SLCO2A1: variants seen among roughly 807,000 people sequenced by gnomAD.
SLCO2A1 encodes matrin F/G 1.
SLCO2A1 carries 60 observed loss-of-function variants against 71.7 expected under a neutral mutation model. That is an observed-to-expected ratio of 0.84 (90% CI 0.68 to 1.04). The LOEUF is 1.04. SLCO2A1 is among the 50% of genes least tolerant of loss of function. SLCO2A1 has a pLI of 0.00. For missense variants in SLCO2A1, 745 were observed against 813.4 expected, an observed-to-expected ratio of 0.92 and a Z score of 1.02; for synonymous variants, 308 against 326.7, an observed-to-expected ratio of 0.94 and a Z score of 0.62.
chr3:133,943,734 C>A (rs1477334978), intron 10 of SLCO2A1, among the ~76,000 whole-genome samples: 1 of 152,072 alleles, frequency 6.6e-6, no homozygotes, highest in East Asian at 1.9e-4. Flanking sequence ...ATAAGAAAAC[C>A]ACAGAAGCCA....
At chr3:134,002,059 A>C (rs1186253786) in intron 1 of SLCO2A1, among the ~76,000 whole-genome samples, 2 of 152,206 alleles carry the variant, frequency 1.3e-5, no homozygotes, top group African/African-American at 4.8e-5. Context: ...AGTTTCTCAA[A>C]TTCCTTGCTT....
intron 1 of SLCO2A1, among the ~76,000 whole-genome samples, chr3:134,025,118 T>C (rs4854791): frequency 0.8 from 121,360 of 152,094 alleles, 48,632 homozygotes; most frequent in East Asian, 0.99. Context: ...GAAAACTCAT[T>C]GCGGGACTCA....
intron 5 of SLCO2A1, 63 bp from the exon 6 acceptor site, chr3:133,951,407 G>C (rs961941831): frequency 6.3e-7 from 1 of 1,588,410 alleles, no homozygotes; most frequent in African/African-American, 1.3e-5. Context: ...ACTGGAAACA[G>C]AACCTCTGAT....
At chr3:133,966,812 C>G (rs947737887) in intron 3 of SLCO2A1, among the ~76,000 whole-genome samples, 2 of 152,226 alleles carry the variant, frequency 1.3e-5, no homozygotes, top group Non-Finnish European at 2.9e-5. Context: ...GTCAGTGTCC[C>G]AGCTCTACAG....
intron 1 of SLCO2A1, among the ~76,000 whole-genome samples, chr3:134,026,817 A>C (rs1027285714): frequency 6.6e-6 from 1 of 152,238 alleles, no homozygotes; most frequent in African/African-American, 2.4e-5. Context: ...CTACATATAG[A>C]TAATCAAGGG....
chr3:133,998,667 C>T (rs540355005), intron 1 of SLCO2A1: 3 of 152,292 alleles, frequency 2.0e-5, no homozygotes, highest in Admixed American at 1.3e-4. Context: ...TCCTTCCTCT[C>T]GAAGCTGTCG....
intron 1 of SLCO2A1, among the ~76,000 whole-genome samples, chr3:134,002,383 TC>T (rs534413451): frequency 2.8e-4 from 43 of 152,336 alleles, no homozygotes; most frequent in Non-Finnish European, 5.4e-4. Context: ...TGGGAGGCCT[TC>T]CCTGGCAAAC....
At chr3:133,954,519 C>T (rs1362890496) in intron 4 of SLCO2A1, among the ~76,000 whole-genome samples, 1 of 152,190 alleles carries the variant, frequency 6.6e-6, no homozygotes, top group African/African-American at 2.4e-5. Flanking sequence ...CTGCTATCTG[C>T]TTTGCATGGG....
At chr3:134,015,772 T>A (rs534857330) in intron 1 of SLCO2A1, among the ~76,000 whole-genome samples, 53 of 152,170 alleles carry the variant, frequency 3.5e-4, no homozygotes, top group Non-Finnish European at 5.9e-4. Context: ...GATGGGCTCA[T>A]CAAATAAAAA....
intron 1 of SLCO2A1, among the ~76,000 whole-genome samples, chr3:134,006,912 G>A (rs777369483): frequency 6.6e-6 from 1 of 152,156 alleles, no homozygotes; most frequent in Non-Finnish European, 1.5e-5. Context: ...GTTTTCCATA[G>A]CAGCTGCATC....
At chr3:133,958,601 C>T (rs547472706) in intron 3 of SLCO2A1, among the ~76,000 whole-genome samples, 1 of 152,304 alleles carries the variant, frequency 6.6e-6, no homozygotes, top group East Asian at 1.9e-4. Context: ...TTTATACAAA[C>T]CCACCTGACC....
intron 1 of SLCO2A1, among the ~76,000 whole-genome samples, chr3:134,018,386 C>T (rs1016742084): frequency 1.3e-5 from 2 of 152,312 alleles, no homozygotes; most frequent in African/African-American, 4.8e-5. Context: ...GCCCAAGATG[C>T]CTCCCCATTG....
At chr3:134,017,879 C>T (rs75517725) in intron 1 of SLCO2A1, among the ~76,000 whole-genome samples, 16,543 of 152,182 alleles carry the variant, frequency 0.11, 1,170 homozygotes, top group East Asian at 0.37. Context: ...CACATCTCAA[C>T]GTTCCAACAT....
intron 8 of SLCO2A1, 131 bp from the exon 9 acceptor site, chr3:133,947,576 T>G: frequency 1.4e-6 from 1 of 733,888 alleles, no homozygotes; most frequent in Non-Finnish European, 2.2e-6. Context: ...TAAATTGTAA[T>G]CGAAGTAGCT....
chr3:133,963,732 G>A (rs1431558366), intron 3 of SLCO2A1, among the ~76,000 whole-genome samples: 2 of 152,212 alleles, frequency 1.3e-5, no homozygotes, highest in Non-Finnish European at 2.9e-5. Flanking sequence ...TTTCCAGAGA[G>A]TTATCTGGAA....
intron 1 of SLCO2A1, among the ~76,000 whole-genome samples, chr3:133,988,174 T>C (rs1934758097): frequency 6.6e-6 from 1 of 152,188 alleles, no homozygotes; most frequent in Non-Finnish European, 1.5e-5. Flanking sequence ...CATGCCTCAT[T>C]ATACCTCTCC....
chr3:133,953,786 A>T (rs199914570), intron 4 of SLCO2A1, 25 bp from the exon 5 acceptor site: 1 of 1,589,086 alleles, frequency 6.3e-7, no homozygotes, highest in South Asian at 1.1e-5. Context: ...AAGGGGAAGG[A>T]GACTGAGATA....
At position 133,962,007 on chromosome 3, in the gene SLCO2A1, C is replaced by T. The variant is rs375047048; in HGVS notation, c.398-6814G>A. On this transcript the variant is annotated intron_variant, in intron 3 of 13. Coordinates refer to ENST00000310926, the MANE Select transcript of SLCO2A1 (RefSeq NM_005630.3). ...GCTTCCCAGACAATCAAGCCTGAGA[C>T]ACCCTTGGCAGTGGGCGGCCCTGGC... is the stretch of plus-strand genomic sequence containing the variant. Among the ~76,000 whole-genome samples, 22 of 152,346 alleles carry T rather than the reference C, an allele frequency of 1.4e-4. No homozygotes were observed. In the East Asian group the frequency reaches 3.5e-3, roughly 24 times the overall value.
At chr3:134,010,479 C>G (rs561427827) in intron 1 of SLCO2A1, among the ~76,000 whole-genome samples, 1 of 152,022 alleles carries the variant, frequency 6.6e-6, no homozygotes, top group African/African-American at 2.4e-5. Context: ...CTCGGCCGGG[C>G]GCGGTGGCTC....
Sources: allele counts gnomAD v4.1 joint callset (sites outside exome capture counted in the v4.1 genomes callset), GRCh38; gene constraint gnomAD v4.1.1; transcripts MANE v1.5; gene names NCBI Gene and HGNC (gene_info 2026-07-23, HGNC 2026-07-21).